ICE2: variants seen among roughly 807,000 people sequenced by gnomAD.
The protein encoded by ICE2 is little elongation complex subunit 2.
Under a neutral mutation model 105.4 loss-of-function variants are expected in ICE2, and 87 were observed. That is an observed-to-expected ratio of 0.83 (90% CI 0.69 to 0.99). The LOEUF is 0.99. ICE2 is among the 50% of genes least tolerant of loss of function. The pLI is 0.00. For synonymous variants in ICE2, 399 were observed against 392.0 expected, an observed-to-expected ratio of 1.02 and a Z score of -0.21; for missense variants, 1,323 against 1,146.7, an observed-to-expected ratio of 1.15 and a Z score of -2.22.
rs868519634 is a variant in ICE2 at position 60,449,633 on chromosome 15, C to T, written c.1334G>A (p.Ser445Asn). The change falls in exon 10 of 16, where the codon AGT (serine) becomes AAT (asparagine). Residue 445 changes from serine (S) to asparagine (N), a missense_variant. Transcript: ENST00000261520. Reference protein sequence around the residue: ...PKAGTTTVAPSAPDISANSRS... With the variant: ...PKAGTTTVAPNAPDISANSRS... ...AGAATTAGCAGAAATGTCTGGTGCA[C>T]TTGGTGCCACAGTTGTAGTTCCTGC... The T allele has an allele frequency of 6.2e-7, 1 of 1,614,074 alleles. No homozygotes were observed.
intron 9 of ICE2, chr15:60,451,513 T>C: frequency 1.0e-6 from 1 of 984,828 alleles, no homozygotes; most frequent in African/African-American, 1.7e-5. Flanking sequence ...GAAATCAAAA[T>C]AATTCCAGAA....
At chr15:60,450,156 G>A (rs1416327375) in intron 9 of ICE2, among the ~76,000 whole-genome samples, 2 of 152,154 alleles carry the variant, frequency 1.3e-5, no homozygotes, top group Non-Finnish European at 2.9e-5. Context: ...CCACAAAGAA[G>A]AAATGTAGGG....
At chr15:60,428,389 A>G (rs1566967114) in intron 15 of ICE2, 40 bp downstream of exon 15, 2 of 1,586,662 alleles carry the variant, frequency 1.3e-6, no homozygotes, top group Non-Finnish European at 1.7e-6. Flanking sequence ...GACGAATAAT[A>G]AACAACCTAA....
chr15:60,453,286 A>C (rs768457984), intron 9 of ICE2: 19 of 1,066,822 alleles, frequency 1.8e-5, no homozygotes, highest in Non-Finnish European at 2.0e-5. Context: ...ACCTCATATT[A>C]ACCACCACCA....
At chr15:60,428,325 G>T in intron 15 of ICE2, 104 bp downstream of exon 15, 1 of 1,234,256 alleles carries the variant, frequency 8.1e-7, no homozygotes, top group Non-Finnish European at 1.1e-6. Flanking sequence ...ATGGTGCTGT[G>T]ATTAATATGA....
At chr15:60,450,269 C>T (rs968166304) in intron 9 of ICE2, among the ~76,000 whole-genome samples, 2 of 152,144 alleles carry the variant, frequency 1.3e-5, no homozygotes, top group Admixed American at 1.3e-4. Context: ...ACTGTGAGGA[C>T]GCTGCTTTTT....
intron 11 of ICE2, 112 bp from the exon 12 acceptor site, chr15:60,442,657 C>A: frequency 1.3e-6 from 1 of 779,708 alleles, no homozygotes; most frequent in East Asian, 2.8e-5. Context: ...AATCTTATTT[C>A]ATCCTTTCAA....
rs2063222574 is a variant in ICE2, at chr15:60,419,683, TAAG to T, written c.*3948_*3950del. 6.6e-6 allele frequency: 1 copy of T among 151,992 alleles called. No individual in the cohort carries two copies. The highest frequency in any genetic ancestry group is 2.1e-4 in the South Asian group (1 of 4,828). The allele number at this position is 151,992 out of a possible 1,614,324, so 9.4% of individuals were successfully genotyped here. ...CAATAAATCTTAATATCAAATACGT[TAAG>T]GTTTGATTAAAAACTACTACATACC... is the stretch of plus-strand genomic sequence containing the variant. On this transcript the variant is annotated 3_prime_UTR_variant, in exon 16 of 16. Transcript: ENST00000261520.
rs1013595016 is a variant in ICE2, at chr15:60,443,146, G to A, written c.2296-601C>T. 2.0e-5 allele frequency: 3 copies of A among 152,124 alleles called. No homozygotes were observed. The South Asian group carries it at 6.2e-4, about 32-fold the overall frequency. The allele number at this position is 152,124 out of a possible 1,614,324, so 9.4% of individuals were successfully genotyped here. A position where few individuals can be genotyped will look rare whatever the true frequency, so the allele number is the denominator to read the frequency against. ...GACAAATTATCCATCCAAATTCACT[G>A]GTCAGGACACTACATAAGTAAAATG... On this transcript the variant is annotated intron_variant, in intron 11 of 15. Transcript: ENST00000261520.
In ICE2 at chr15:60,476,078, C is replaced by T. The variant is rs759058296; in HGVS notation, c.131G>A (p.Arg44His). 1.8e-5 allele frequency: 28 copies of T among 1,594,084 alleles called. No individual in the cohort carries two copies. Among genetic ancestry groups the T allele is most frequent in the East Asian group, 6.8e-5 (3 of 44,332 alleles). ...AACATATTACCTGTTGGATAAAACA[C>T]GTAGTTCTTTTAAACTTGGAGCCAT... ...HSMAPSLKEL[R>H]VLSNRRIGEN... is the part of the protein sequence containing the mutation. Residue 44 changes from arginine to histidine, a missense_variant, in exon 3 of 16, where the codon CGT (arginine) becomes CAT (histidine). By Grantham distance (29) the Arg-to-His change is conservative (BLOSUM62 0). Coordinates refer to ENST00000261520, the MANE Select transcript of ICE2 (RefSeq NM_024611.6).
At position 60,468,057 on chromosome 15, in the gene ICE2, A is replaced by G. The variant is rs2064479074; in HGVS notation, c.408+4T>C. The G allele has an allele frequency of 1.2e-6, 2 of 1,605,360 alleles. No individual in the cohort carries two copies. The highest frequency in any genetic ancestry group is 1.7e-6 in the Non-Finnish European group (2 of 1,175,214). ...TTCCTGAAACTGAAGAACACAATAC[A>G]TACCAAGTACTGCAAGTAGTCATTT... On this transcript the variant is annotated splice_donor_region_variant and intron_variant, in intron 4 of 15. Coordinates refer to ENST00000261520, the MANE Select transcript of ICE2 (RefSeq NM_024611.6).
chr15:60,424,058 T>A (rs1444712317), intron 15 of ICE2, among the ~76,000 whole-genome samples: 1 of 151,996 alleles, frequency 6.6e-6, no homozygotes, highest in African/African-American at 2.4e-5. Context: ...AAATTAGAAA[T>A]CAAGGGAATG....
intron 3 of ICE2, among the ~76,000 whole-genome samples, chr15:60,472,338 A>G (rs966847077): frequency 2.0e-5 from 3 of 152,186 alleles, no homozygotes; most frequent in Non-Finnish European, 2.9e-5. Flanking sequence ...TTTCAACAAG[A>G]AAACAGTTGT....
intron 2 of ICE2, among the ~76,000 whole-genome samples, chr15:60,476,628 T>C (rs2064770635): frequency 6.6e-6 from 1 of 152,252 alleles, no homozygotes; most frequent in Non-Finnish European, 1.5e-5. Flanking sequence ...ATAGCCTAGC[T>C]ATTTTGTTTA....
chr15:60,428,062 T>C (rs1321342743), intron 15 of ICE2, among the ~76,000 whole-genome samples: 2 of 152,152 alleles, frequency 1.3e-5, no homozygotes, highest in African/African-American at 4.8e-5. Context: ...TTCCGCAAAT[T>C]GCCTAAAATA....
At chr15:60,458,351 C>G (rs1279221449) in intron 5 of ICE2, among the ~76,000 whole-genome samples, 1 of 152,068 alleles carries the variant, frequency 6.6e-6, no homozygotes, top group Non-Finnish European at 1.5e-5. Context: ...ACACCAAAAG[C>G]AAATGCATTT....
chr15:60,454,756 T>C, intron 8 of ICE2: 2 of 357,354 alleles, frequency 5.6e-6, no homozygotes, highest in Non-Finnish European at 1.0e-5. Context: ...GTTACATAGC[T>C]ATACATGTGC....
rs1041809916 is a variant in ICE2, at chr15:60,451,984, T to C, written c.1125+1619A>G. The C allele has an allele frequency of 8.8e-5, 51 of 578,796 alleles. 1 individual carries two copies. The highest frequency in any genetic ancestry group is 1.0e-4 in the Non-Finnish European group (46 of 458,702). 35.9% of individuals were successfully genotyped at this position (578,796 alleles called of 1,614,324 possible). ...ACTTCTAAGAAAGACATTTTAATAT[T>C]TGTCCAGCTTTTTTAGATGTCATCA... On this transcript the variant is annotated intron_variant, in intron 9 of 15. Transcript: ENST00000261520.
At chr15:60,476,244 G>T in intron 2 of ICE2, 77 bp from the exon 3 acceptor site, 1 of 869,516 alleles carries the variant, frequency 1.2e-6, no homozygotes, top group Non-Finnish European at 1.8e-6. Flanking sequence ...TGGCACAATT[G>T]TAACTTACAA....
Sources: allele counts gnomAD v4.1 joint callset (sites outside exome capture counted in the v4.1 genomes callset), GRCh38; gene constraint gnomAD v4.1.1; transcripts MANE v1.5; gene names NCBI Gene and HGNC (gene_info 2026-07-23, HGNC 2026-07-21).